The following SH3KBP1 variants were observed in gnomAD, a reference collection of about 807,000 sequenced individuals.
SH3KBP1 encodes the protein SH3 domain-containing kinase-binding protein 1.
Under a neutral mutation model 50.1 loss-of-function variants are expected in SH3KBP1, and 8 were observed. The ratio of observed to expected loss-of-function variants is 0.16; its 90% CI spans 0.09 to 0.29. The LOEUF is 0.29. Among genes scored for constraint, SH3KBP1 ranks in the 10% least tolerant of loss-of-function variants. The pLI is 1.00. For missense variants in SH3KBP1, 377 were observed against 535.2 expected (o/e 0.70, Z 2.92); for synonymous variants, 227 against 218.6 (o/e 1.04, Z -0.34).
intron 3 of SH3KBP1, among the ~76,000 whole-genome samples, chrX:19,742,188 C>A (rs1217473715): frequency 9.0e-6 from 1 of 110,846 alleles, no homozygotes; most frequent in Non-Finnish European, 1.9e-5. Context: ...GCAGCCCCGA[C>A]CTTCTGGGCT....
chrX:19,706,868 C>A lies in SH3KBP1; in HGVS notation c.390+13G>T. The A allele has an allele frequency of 2.5e-6, 3 of 1,189,410 alleles. No individual in the cohort carries two copies. Among genetic ancestry groups the A allele is most frequent in the Non-Finnish European group, 2.3e-6 (2 of 876,453 alleles). ...CATTCGAGGCCATTGCACTGCCCGG[C>A]CAGGTCGCTTACCTCTCCTACCACC... is the stretch of plus-strand genomic sequence containing the variant. On this transcript the variant is annotated intron_variant, in intron 4 of 17. Coordinates refer to ENST00000397821, the MANE Select transcript of SH3KBP1 (RefSeq NM_031892.3).
intron 5 of SH3KBP1, chrX:19,687,826 AT>A (rs910462481): frequency 1.0e-5 from 5 of 488,600 alleles, no homozygotes; most frequent in Non-Finnish European, 1.8e-5. Flanking sequence ...CAAGAGCTTC[AT>A]CCACAAAATT....
rs199692054 is a variant in SH3KBP1, at chrX:19,571,830, C to CT, written c.1299-2643dup. Among the ~76,000 whole-genome samples, 335 of 99,985 alleles carry CT rather than the reference C, an allele frequency of 3.4e-3. 3 individuals are homozygous for CT. Among genetic ancestry groups the CT allele is most frequent in the African/African-American group, 9.2e-3 (255 of 27,653 alleles). 86.8% of individuals were successfully genotyped at this position (99,985 alleles called of 115,157 possible). A position where few individuals can be genotyped will look rare whatever the true frequency, so the allele number is the denominator to read the frequency against. On this transcript the variant is annotated intron_variant, in intron 12 of 17. Coordinates refer to ENST00000397821, the MANE Select transcript of SH3KBP1 (RefSeq NM_031892.3). ...AGTGAGTTTAGTGAACTCTACTTGGCTTTTTTTTTTTTTTCCAGTCAAGAG... is the reference window on the plus strand; with the variant it reads ...AGTGAGTTTAGTGAACTCTACTTGGCTTTTTTTTTTTTTTTCCAGTCAAGAG...
chrX:19,746,342 T>C lies in SH3KBP1; in HGVS notation c.262A>G (p.Thr88Ala), dbSNP rs1364034831. Reference protein sequence around the residue: ...PSGNSLLSSETILRTNKRGER... With the variant: ...PSGNSLLSSEAILRTNKRGER... ...CCTCTCTTATTGGTTCTTAAAATCGTTTCAGAAGACAGCAAAGAGTTTCCA... is the reference window on the plus strand; with the variant it reads ...CCTCTCTTATTGGTTCTTAAAATCGCTTCAGAAGACAGCAAAGAGTTTCCA... Residue 88 changes from threonine to alanine, a missense_variant, in exon 3 of 18, where the codon ACG (threonine) becomes GCG (alanine). Coordinates refer to ENST00000397821, the MANE Select transcript of SH3KBP1 (RefSeq NM_031892.3). 3 of 1,211,284 alleles carry C rather than the reference T, an allele frequency of 2.5e-6. No homozygotes were observed. Among genetic ancestry groups the C allele is most frequent in the Non-Finnish European group, 3.4e-6 (3 of 895,251 alleles).
rs894288131 is a variant in SH3KBP1 at position 19,548,609 on chromosome X, C to T, written c.1494+1365G>A. ...TACTAAGAGGAAAAATAGGATGACT[C>T]AAACCATACTTCCAGACTCTAGATA... On this transcript the variant is annotated intron_variant, in intron 14 of 17. Coordinates refer to ENST00000397821, the MANE Select transcript of SH3KBP1 (RefSeq NM_031892.3). 3.6e-5 allele frequency among the ~76,000 whole-genome samples: 4 copies of T among 111,492 alleles called. No homozygotes were observed. The South Asian group carries it at 1.5e-3, about 42-fold the overall frequency.
chrX:19,637,766 A>G (rs974053768), intron 7 of SH3KBP1, among the ~76,000 whole-genome samples: 2 of 111,561 alleles, frequency 1.8e-5, no homozygotes, highest in Non-Finnish European at 3.8e-5. Flanking sequence ...GGTGATTCTC[A>G]TCATCAGAGA....
intron 6 of SH3KBP1, among the ~76,000 whole-genome samples, chrX:19,670,688 T>G (rs2062766139): frequency 1.8e-5 from 2 of 110,056 alleles, no homozygotes; most frequent in African/African-American, 6.7e-5. Flanking sequence ...GATAGGTTCC[T>G]CCTCAGCTTA....
At chrX:19,585,861 C>A (rs1237698867) in intron 12 of SH3KBP1, among the ~76,000 whole-genome samples, 1 of 111,992 alleles carries the variant, frequency 8.9e-6, no homozygotes, top group East Asian at 2.8e-4. Context: ...TGAGTTAGAG[C>A]AGGCACTGCC....
intron 8 of SH3KBP1, among the ~76,000 whole-genome samples, chrX:19,627,609 C>T (rs1344600751): frequency 2.7e-5 from 3 of 112,463 alleles, no homozygotes; most frequent in Non-Finnish European, 3.8e-5. Context: ...CACATTTCCT[C>T]CTGGCTTCCA....
intron 9 of SH3KBP1, among the ~76,000 whole-genome samples, chrX:19,597,940 T>C: frequency 8.9e-6 from 1 of 112,920 alleles, no homozygotes; most frequent in Admixed American, 9.3e-5. Context: ...GTAGCCACCT[T>C]CATCAAAGCT....
intron 3 of SH3KBP1, among the ~76,000 whole-genome samples, chrX:19,733,341 A>T (rs779989578): frequency 9.1e-6 from 1 of 110,436 alleles, no homozygotes; most frequent in African/African-American, 3.3e-5. Flanking sequence ...TTATAAAGCC[A>T]TAATAGTTAA....
intron 13 of SH3KBP1, among the ~76,000 whole-genome samples, chrX:19,566,740 G>A (rs185464602): frequency 8.9e-6 from 1 of 112,248 alleles, no homozygotes; most frequent in African/African-American, 3.2e-5. Flanking sequence ...AAGCTATCAG[G>A]TTATGCTTCC....
Position 19,682,641 on chromosome X carries a change from G to A in SH3KBP1, c.726+1182C>T, listed in dbSNP as rs181060673. On this transcript the variant is annotated intron_variant, in intron 6 of 17. Transcript: ENST00000397821. The stretch of plus-strand genomic sequence containing the variant: ...TCTTGAAAAATATCATATATTGATT[G>A]CTGAAAGGAACAATGCTGACTCAAA... Among the ~76,000 whole-genome samples, 26 of 110,677 alleles carry A rather than the reference G, an allele frequency of 2.3e-4. 2 individuals are homozygous for A. The Admixed American group carries it at 2.4e-3, about 10-fold the overall frequency.
At chrX:19,607,825 G>T in intron 9 of SH3KBP1, 113 bp downstream of exon 9, 1 of 593,595 alleles carries the variant, frequency 1.7e-6, no homozygotes. Flanking sequence ...CAGAATCTGG[G>T]TCTGTTGAAT....
intron 7 of SH3KBP1, among the ~76,000 whole-genome samples, chrX:19,644,608 T>C (rs1324064560): frequency 1.8e-5 from 2 of 112,309 alleles, no homozygotes; most frequent in Non-Finnish European, 3.8e-5. Flanking sequence ...CTACTCCAAA[T>C]TGAGGTATAC....
intron 2 of SH3KBP1, among the ~76,000 whole-genome samples, chrX:19,812,212 C>T (rs892433480): frequency 1.8e-5 from 2 of 111,686 alleles, no homozygotes; most frequent in South Asian, 7.4e-4. Flanking sequence ...TCCTTCATGA[C>T]GAGCAAAATA....
chrX:19,775,554 C>T (rs1313302975), intron 2 of SH3KBP1, among the ~76,000 whole-genome samples: 1 of 111,721 alleles, frequency 9.0e-6, no homozygotes, highest in Non-Finnish European at 1.9e-5. Context: ...AATTGAGTGC[C>T]AACATTAACT....
intron 9 of SH3KBP1, among the ~76,000 whole-genome samples, chrX:19,595,616 G>A (rs184719424): frequency 4.9e-4 from 52 of 106,658 alleles, no homozygotes; most frequent in African/African-American, 8.6e-4. Flanking sequence ...CATATCAGCC[G>A]TGATTTGTTT....
chrX:19,871,979 C>T (rs1283089235), intron 1 of SH3KBP1, among the ~76,000 whole-genome samples: 4 of 110,379 alleles, frequency 3.6e-5, no homozygotes, highest in African/African-American at 1.3e-4. Context: ...TGGCCGGGCA[C>T]GGTGGCTCAC....
Sources: allele counts gnomAD v4.1 joint callset (sites outside exome capture counted in the v4.1 genomes callset), GRCh38; gene constraint gnomAD v4.1.1; transcripts MANE v1.5; gene names NCBI Gene and HGNC (gene_info 2026-07-23, HGNC 2026-07-21).